Variants in PTOV1 observed in about 807,000 individuals in gnomAD.
PTOV1 encodes the protein prostate tumor-overexpressed gene 1 protein.
Under a neutral mutation model 58.0 loss-of-function variants are expected in PTOV1, and 20 were observed. That is an observed-to-expected ratio of 0.34 (90% CI 0.24 to 0.50). The LOEUF (loss-of-function observed/expected upper bound fraction) is 0.50, where lower values mean the gene tolerates loss of function less well. Ranked by LOEUF, PTOV1 falls within the 20% of genes least tolerant of loss-of-function variation. PTOV1 has a pLI of 0.98. For missense variants in PTOV1, 593 were observed against 565.4 expected (o/e 1.05, Z -0.50); for synonymous variants, 335 against 234.2 (o/e 1.43, Z -3.93).
rs373786695 is a variant in PTOV1 at position 49,860,115 on chromosome 19, C to T, written c.1171C>T (p.Arg391Trp). The stretch of plus-strand genomic sequence containing the variant: ...CCAGGGCAACTTTGTCAACGGCATC[C>T]GGCGTGTCATTGCCAACCAGCAGCA... Residue 391 changes from arginine to tryptophan, a missense_variant, in exon 11 of 12, where the codon CGG becomes TGG. Transcript: ENST00000391842. The T allele has an allele frequency of 7.2e-5, 116 of 1,614,202 alleles. No individual in the cohort carries two copies. Among genetic ancestry groups the T allele is most frequent in the Non-Finnish European group, 9.5e-5 (112 of 1,180,026 alleles).
rs1379794257 is a variant in PTOV1 at position 49,851,393 on chromosome 19, G to T, written c.65G>T (p.Arg22Leu). Residue 22 changes from arginine (R) to leucine (L), a missense_variant, in exon 1 of 12, where the codon CGC (arginine) becomes CTC (leucine). Arg to Leu is a moderately radical substitution (Grantham distance 102). Transcript: ENST00000391842. ...GGGGGCCCCCTCGGGGGTCGCGGCC[G>T]CCCTCCGCGGCCCCTCGTGGTGCGC... 1.8e-5 allele frequency: 21 copies of T among 1,174,120 alleles called. No homozygotes were observed. The highest frequency in any genetic ancestry group is 2.2e-5 in the Non-Finnish European group (21 of 952,090). 72.7% of individuals were successfully genotyped at this position (1,174,120 alleles called of 1,614,324 possible). A position where few individuals can be genotyped will look rare whatever the true frequency, so the allele number is the denominator to read the frequency against.
chr19:49,858,673 G>GCAGGGGAGGGGCCGGC lies in PTOV1; in HGVS notation c.1041+26_1041+41dup, dbSNP rs773650183. 1 of 1,568,118 alleles carries GCAGGGGAGGGGCCGGC rather than the reference G, an allele frequency of 6.4e-7. No individual in the cohort carries two copies. The highest frequency in any genetic ancestry group is 8.7e-7 in the Non-Finnish European group (1 of 1,153,840). On this transcript the variant is annotated intron_variant, in intron 10 of 11. Coordinates refer to ENST00000391842, the Ensembl canonical transcript of PTOV1. ...GGCTTCGTGAGTGGTGCCAGCAGACGCAGGGGAGGGGCCGGCCAGGGCAGA... is the reference window on the plus strand; with the variant it reads ...GGCTTCGTGAGTGGTGCCAGCAGACGCAGGGGAGGGGCCGGCCAGGGGAGGGGCCGGCCAGGGCAGA...
intron 10 of PTOV1, 69 bp from the exon 11 acceptor site, chr19:49,859,917 G>A (rs1600404561): frequency 2.0e-6 from 3 of 1,515,136 alleles, no homozygotes; most frequent in East Asian, 4.5e-5. Context: ...CCCACGGCAT[G>A]ATGCCGTGGT....
chr19:49,856,694 G>C (rs571477283), intron 5 of PTOV1: 1 of 425,190 alleles, frequency 2.4e-6, no homozygotes, highest in African/African-American at 2.0e-5. Flanking sequence ...GAGGGCTGGC[G>C]GCAGGGGGTG....
upstream of PTOV1, chr19:49,851,026 C>T (rs1211386104): frequency 6.6e-7 from 1 of 1,525,316 alleles, no homozygotes. Flanking sequence ...TCCCCCGCGC[C>T]GGAGAGGCCC....
chr19:49,859,921 C>A, intron 10 of PTOV1, 65 bp from the exon 11 acceptor site: 1 of 1,555,048 alleles, frequency 6.4e-7, no homozygotes, highest in East Asian at 2.2e-5. Context: ...CGGCATGATG[C>A]CGTGGTTGGA....
upstream of PTOV1, chr19:49,851,091 G>C (rs2074222185): frequency 7.0e-7 from 1 of 1,424,496 alleles, no homozygotes; most frequent in Non-Finnish European, 9.1e-7. Context: ...CCCCCGCGCC[G>C]CCTTGGTACG....
intron 1 of PTOV1, chr19:49,853,285 A>G (rs1437986316): frequency 6.6e-6 from 1 of 150,950 alleles, no homozygotes; most frequent in Admixed American, 6.6e-5. Flanking sequence ...TTACGGGGAA[A>G]CTCTCGTGGG....
At position 49,854,462 on chromosome 19, in the gene PTOV1, C is replaced by T. The variant is rs139204161; in HGVS notation, c.228C>T (p.Leu76=). Residue 76 remains leucine, a synonymous_variant, in exon 2 of 12, where the codon CTC becomes CTT. Coordinates refer to ENST00000391842, the Ensembl canonical transcript of PTOV1. ...CCATCGGTCCCTCCTCACCTGGGCT[C>T]ACCCTCGGGGGTCTGGCCGTGAGCG... is the stretch of plus-strand genomic sequence containing the variant. 1.8e-5 allele frequency: 29 copies of T among 1,612,386 alleles called. No homozygotes were observed. The African/African-American group carries it at 3.9e-4, about 22-fold the overall frequency.
chr19:49,860,636 C>T (rs1440994688), exon 12 of PTOV1: 3 of 453,482 alleles, frequency 6.6e-6, no homozygotes, highest in African/African-American at 3.9e-5. Flanking sequence ...TGAGCAGGGG[C>T]CCCTGGGGAC....
In PTOV1 at chr19:49,857,158, GGGACAGA is replaced by G. The variant is rs756785937; in HGVS notation, c.714+31_714+37del. On this transcript the variant is annotated intron_variant, in intron 6 of 11. Transcript: ENST00000391842. The stretch of plus-strand genomic sequence containing the variant: ...GTGCCAGCCAAGCACAGCCCCTCTG[GGGACAGA>G]GGGGGATTAGACCCCACTGCCCTGG... The G allele has an allele frequency of 2.2e-5, 35 of 1,612,432 alleles. No homozygotes were observed. In the East Asian group the frequency reaches 7.6e-4, roughly 35 times the overall value.
intron 1 of PTOV1, 103 bp downstream of exon 1, chr19:49,851,602 C>T (rs927424722): frequency 9.8e-7 from 1 of 1,016,566 alleles, no homozygotes; most frequent in Non-Finnish European, 1.2e-6. Flanking sequence ...TCCGGGGTGT[C>T]CCCTGTGGCC....
chr19:49,858,031 G>A (rs1451935489), intron 8 of PTOV1, 26 bp from the exon 9 acceptor site: 1 of 1,613,902 alleles, frequency 6.2e-7, no homozygotes, highest in African/African-American at 1.3e-5. Flanking sequence ...GGGGCTTCCT[G>A]ACCCTCGTCC....
exon 12 of PTOV1, chr19:49,860,488 G>A (rs965501813): frequency 4.0e-6 from 3 of 751,458 alleles, no homozygotes; most frequent in Non-Finnish European, 6.3e-6. Context: ...GGAAACTGCA[G>A]CCCAGCCTCA....
rs2074245495 is a variant in PTOV1, at chr19:49,851,506, C to T, written c.171+7C>T. ...CCGCTCGGCCCCTCCCATGGTGAGC[C>T]CCCCGCCCTTTTTCCAGAGCCTTCC... On this transcript the variant is annotated splice_region_variant and intron_variant, in intron 1 of 11. Coordinates refer to ENST00000391842, the Ensembl canonical transcript of PTOV1. 7 of 1,193,250 alleles carry T rather than the reference C, an allele frequency of 5.9e-6. No homozygotes were observed. The highest frequency in any genetic ancestry group is 7.3e-6 in the Non-Finnish European group (7 of 959,322). The allele number at this position is 1,193,250 out of a possible 1,614,324, so 73.9% of individuals were successfully genotyped here.
rs1175033291 is a variant in PTOV1, at chr19:49,859,966, C to A, written c.1042-20C>A. On this transcript the variant is annotated intron_variant, in intron 10 of 11. Transcript: ENST00000391842. The stretch of plus-strand genomic sequence containing the variant: ...GTCCCTGTGGTGCTGTCTGGTGACA[C>A]CACGCCCTGTGCCTGCCAGGCCGGC... The A allele has an allele frequency of 6.2e-7, 1 of 1,613,272 alleles. No homozygotes were observed. The highest frequency in any genetic ancestry group is 1.1e-5 in the South Asian group (1 of 91,084).
intron 9 of PTOV1, 54 bp from the exon 10 acceptor site, chr19:49,858,495 C>T (rs533083429): frequency 3.6e-5 from 52 of 1,442,864 alleles, no homozygotes; most frequent in South Asian, 1.5e-4. Flanking sequence ...GGCTGGGAGC[C>T]GGGAGGCCGT....
chr19:49,851,104 C>CCGGCCACGCCCCCT, upstream of PTOV1: 1 of 1,372,902 alleles, frequency 7.3e-7, no homozygotes, highest in Non-Finnish European at 9.4e-7. Flanking sequence ...TTGGTACGCT[C>CCGGCCACGCCCCCT]CGGCCACGCC....
intron 10 of PTOV1, 120 bp from the exon 11 acceptor site, chr19:49,859,866 G>C (rs925146414): frequency 9.2e-7 from 1 of 1,087,990 alleles, no homozygotes; most frequent in Non-Finnish European, 1.4e-6. Flanking sequence ...TGGGTGGGGG[G>C]TGTGAGGACA....
Sources: allele counts gnomAD v4.1 joint callset, GRCh38; gene constraint gnomAD v4.1.1; transcripts MANE v1.5; gene names NCBI Gene and HGNC (gene_info 2026-07-23, HGNC 2026-07-21).